The following UBE2E2 variants were observed in gnomAD, a reference collection of about 807,000 sequenced individuals.
UBE2E2 encodes the protein ubiquitin-conjugating enzyme E2 E2.
Under a neutral mutation model 24.7 loss-of-function variants are expected in UBE2E2, and 6 were observed. The ratio of observed to expected loss-of-function variants is 0.24; its 90% confidence interval spans 0.13 to 0.48. The LOEUF is 0.48. Ranked by LOEUF, UBE2E2 falls within the 20% of genes least tolerant of loss-of-function variation. The probability of loss-of-function intolerance (pLI) is 0.99; values close to 1 mark genes in which losing one functional copy is unlikely to be tolerated. For missense variants in UBE2E2, 169 were observed against 245.0 expected (o/e 0.69, Z 2.07); for synonymous variants, 104 against 83.6 (o/e 1.24, Z -1.33).
chr3:23,324,056 C>T (rs755069364), intron 3 of UBE2E2, among the ~76,000 whole-genome samples: 1 of 152,090 alleles, frequency 6.6e-6, no homozygotes, highest in Non-Finnish European at 1.5e-5. Context: ...ATTGTGTACT[C>T]CCTGTTTCTG....
rs138795209 is a variant in UBE2E2, at chr3:23,252,131, C to A, written c.227+34819C>A. 6.4e-3 allele frequency among the ~76,000 whole-genome samples: 968 copies of A among 152,152 alleles called. 14 individuals are homozygous for A. Among genetic ancestry groups the A allele is most frequent in the African/African-American group, 0.022 (896 of 41,494 alleles). ...GAAAAGCATAATAAAGCTATATGCTCTTTACTAGGTGATATCTTGGTGGTT... is the reference window on the plus strand; with the variant it reads ...GAAAAGCATAATAAAGCTATATGCTATTTACTAGGTGATATCTTGGTGGTT... On this transcript the variant is annotated intron_variant, in intron 3 of 5. Transcript: ENST00000396703.
chr3:23,300,177 C>G (rs1699031069), intron 3 of UBE2E2, among the ~76,000 whole-genome samples: 2 of 152,218 alleles, frequency 1.3e-5, no homozygotes, highest in Non-Finnish European at 1.5e-5. Flanking sequence ...CTATGTGTGT[C>G]TCTGCACGTG....
chr3:23,256,042 G>C (rs1402479078), intron 3 of UBE2E2, among the ~76,000 whole-genome samples: 1 of 152,208 alleles, frequency 6.6e-6, no homozygotes, highest in Non-Finnish European at 1.5e-5. Flanking sequence ...AACAGCTTTT[G>C]AGTTTAGTTC....
At position 23,280,247 on chromosome 3, in the gene UBE2E2, C is replaced by T. The variant is rs1698458247; in HGVS notation, c.227+62935C>T. ...TATTTTGGGGAAGTGTTTTTATTAA[C>T]CCTTTTATTTGTGACTCTTTTTTGG... is the stretch of plus-strand genomic sequence containing the variant. On this transcript the variant is annotated intron_variant, in intron 3 of 5. Transcript: ENST00000396703. The surrounding 1 kb of genome is among the most constrained non-coding windows in gnomAD (Gnocchi z 4.3). 6.6e-6 allele frequency among the ~76,000 whole-genome samples: 1 copy of T among 152,076 alleles called. No homozygotes were observed. The highest frequency in any genetic ancestry group is 2.1e-4 in the South Asian group (1 of 4,822).
At chr3:23,462,849 T>C (rs1324304129) in intron 3 of UBE2E2, among the ~76,000 whole-genome samples, 1 of 152,146 alleles carries the variant, frequency 6.6e-6, no homozygotes, top group Non-Finnish European at 1.5e-5. Context: ...CTTATCAGCA[T>C]TGTGGCTTTG....
At chr3:23,286,644 G>A (rs994641939) in intron 3 of UBE2E2, among the ~76,000 whole-genome samples, 2 of 152,132 alleles carry the variant, frequency 1.3e-5, no homozygotes, top group South Asian at 4.1e-4. Flanking sequence ...GTCTTTTGTG[G>A]TTCCATACAC....
intron 3 of UBE2E2, among the ~76,000 whole-genome samples, chr3:23,446,776 G>T (rs1483170209): frequency 7.1e-6 from 1 of 141,134 alleles, no homozygotes; most frequent in Non-Finnish European, 1.5e-5. Flanking sequence ...CACCACCCCT[G>T]CATCTTTAAG....
At chr3:23,514,770 T>G (rs1181130496) in intron 4 of UBE2E2, among the ~76,000 whole-genome samples, 2 of 152,030 alleles carry the variant, frequency 1.3e-5, no homozygotes, top group African/African-American at 4.8e-5. Context: ...AGGGGTTTCA[T>G]TCAAACAAAA....
intron 5 of UBE2E2, among the ~76,000 whole-genome samples, chr3:23,534,506 T>C (rs988992147): frequency 6.6e-5 from 10 of 152,202 alleles, no homozygotes; most frequent in Admixed American, 4.6e-4. Context: ...GCCTGCCTCA[T>C]ATGAGACTAG....
intron 3 of UBE2E2, among the ~76,000 whole-genome samples, chr3:23,322,212 T>C (rs1694758798): frequency 6.6e-6 from 1 of 152,236 alleles, no homozygotes; most frequent in Non-Finnish European, 1.5e-5. Context: ...GTGAACTTAA[T>C]AGTGCATCTC....
chr3:23,240,267 G>A (rs1341505270), intron 3 of UBE2E2, among the ~76,000 whole-genome samples: 2 of 152,010 alleles, frequency 1.3e-5, no homozygotes, highest in African/African-American at 2.4e-5. Context: ...TATTTCTTTA[G>A]CTTAGCATTG....
intron 4 of UBE2E2, among the ~76,000 whole-genome samples, chr3:23,523,756 A>T (rs560207745): frequency 9.9e-5 from 15 of 151,900 alleles, no homozygotes; most frequent in Non-Finnish European, 1.8e-4. Flanking sequence ...TTTAGGGTGT[A>T]TGTTAGTTAT....
chr3:23,588,639 C>A (rs73049414), intron 5 of UBE2E2, among the ~76,000 whole-genome samples: 43,957 of 151,682 alleles, frequency 0.29, 6,785 homozygotes, highest in East Asian at 0.49. Context: ...TCTCCCAGCA[C>A]CCTGTTAAGT....
At chr3:23,363,149 T>C (rs1369943624) in intron 3 of UBE2E2, among the ~76,000 whole-genome samples, 1 of 151,972 alleles carries the variant, frequency 6.6e-6, no homozygotes, top group Non-Finnish European at 1.5e-5. Context: ...TTGAAGGGAG[T>C]GCTAGATATA....
intron 3 of UBE2E2, among the ~76,000 whole-genome samples, chr3:23,334,003 T>C (rs1162134071): frequency 1.2e-4 from 18 of 152,214 alleles, no homozygotes; most frequent in Admixed American, 1.2e-3. Flanking sequence ...TGTTGATGCA[T>C]TTTGTCCTCA....
chr3:23,570,473 T>C (rs1696194801), intron 5 of UBE2E2, among the ~76,000 whole-genome samples: 1 of 152,294 alleles, frequency 6.6e-6, no homozygotes, highest in South Asian at 2.1e-4. Context: ...TATATGTACA[T>C]ACCTAAGTTT....
chr3:23,210,183 G>A (rs1304273519), intron 2 of UBE2E2, among the ~76,000 whole-genome samples: 1 of 152,156 alleles, frequency 6.6e-6, no homozygotes, highest in Non-Finnish European at 1.5e-5. Context: ...GATGTAGGTG[G>A]GAAGGAGATG....
At chr3:23,584,330 G>T (rs1696555273) in intron 5 of UBE2E2, among the ~76,000 whole-genome samples, 1 of 151,890 alleles carries the variant, frequency 6.6e-6, no homozygotes, top group South Asian at 2.1e-4. Context: ...TTTTGTTGAG[G>T]ATTTTTGCAT....
chr3:23,350,496 T>G (rs1559357307), intron 3 of UBE2E2, among the ~76,000 whole-genome samples: 1 of 152,144 alleles, frequency 6.6e-6, no homozygotes, highest in Non-Finnish European at 1.5e-5. Context: ...GAAAAAAATT[T>G]AGACGAATGT....
Sources: allele counts gnomAD v4.1 joint callset (sites outside exome capture counted in the v4.1 genomes callset), GRCh38; gene constraint gnomAD v4.1.1; non-coding constraint Gnocchi (gnomAD v3.1); transcripts MANE v1.5; gene names NCBI Gene and HGNC (gene_info 2026-07-23, HGNC 2026-07-21).